ADAM19: variants seen among roughly 807,000 people sequenced by gnomAD.
The protein encoded by ADAM19 is disintegrin and metalloproteinase domain-containing protein 19.
A neutral mutation model predicts 114.7 loss-of-function variants in ADAM19; 65 were observed. That is an observed-to-expected ratio of 0.57 (90% CI 0.46 to 0.70). ADAM19 has a LOEUF of 0.70. ADAM19 is among the 30% of genes least tolerant of loss of function. ADAM19 has a pLI of 0.00. For synonymous variants in ADAM19, 466 were observed against 460.5 expected, an observed-to-expected ratio of 1.01 and a Z score of -0.15; for missense variants, 1,063 against 1,204.7, an observed-to-expected ratio of 0.88 and a Z score of 1.74.
chr5:157,493,282 T>A, intron 15 of ADAM19, 105 bp from the exon 16 acceptor site: 1 of 1,244,326 alleles, frequency 8.0e-7, no homozygotes, highest in Non-Finnish European at 1.1e-6. Context: ...CAGGCTTGCG[T>A]GGGGTGGGGC....
At chr5:157,509,584 A>G (rs1156972175) in intron 8 of ADAM19, 117 bp from the exon 9 acceptor site, 1 of 849,444 alleles carries the variant, frequency 1.2e-6, no homozygotes, top group Non-Finnish European at 1.6e-6. Context: ...ACTAAAAAAT[A>G]AAAATAAATT....
intron 3 of ADAM19, among the ~76,000 whole-genome samples, chr5:157,561,631 G>A (rs7718184): frequency 0.33 from 50,548 of 151,710 alleles, 9,701 homozygotes; most frequent in African/African-American, 0.51. Context: ...CTACCCATAT[G>A]GCTCACTCCA....
chr5:157,483,063 G>A (rs1344224311), intron 21 of ADAM19, among the ~76,000 whole-genome samples: 1 of 152,176 alleles, frequency 6.6e-6, no homozygotes, highest in Non-Finnish European at 1.5e-5. Context: ...CCTGTTGGGT[G>A]GTGGGGGGCT....
chr5:157,529,926 ACTTCCTACT>A (rs1169968225), intron 5 of ADAM19, among the ~76,000 whole-genome samples: 1 of 151,834 alleles, frequency 6.6e-6, no homozygotes, highest in African/African-American at 2.4e-5. Flanking sequence ...CTTTCCTTTC[ACTTCCTACT>A]CTCTGTTCAT....
Position 157,575,730 on chromosome 5 carries a change from C to A in ADAM19, c.-34G>T. On this transcript the variant is annotated 5_prime_UTR_variant, in exon 1 of 23. Coordinates refer to ENST00000257527, the MANE Select transcript of ADAM19 (RefSeq NM_033274.5). The stretch of plus-strand genomic sequence containing the variant: ...CGGCCCTTAGCGCTCGGCGCTCACA[C>A]GCCCTCAGCCATACCTGCCCACTGC... The A allele has an allele frequency of 7.8e-7, 1 of 1,283,580 alleles. No homozygotes were observed. Among genetic ancestry groups the A allele is most frequent in the Non-Finnish European group, 9.9e-7 (1 of 1,014,084 alleles). The allele number at this position is 1,283,580 out of a possible 1,614,324, so 79.5% of individuals were successfully genotyped here.
intron 21 of ADAM19, among the ~76,000 whole-genome samples, chr5:157,485,342 T>C (rs747924328): frequency 2.0e-5 from 3 of 152,194 alleles, no homozygotes; most frequent in Non-Finnish European, 4.4e-5. Context: ...GAACAAATCA[T>C]AAATATACAA....
chr5:157,481,219 C>A, intron 22 of ADAM19: 1 of 621,340 alleles, frequency 1.6e-6, no homozygotes, highest in South Asian at 2.0e-5. Flanking sequence ...ACCAGCCACC[C>A]CTCCCTCTTC....
At chr5:157,517,932 T>C (rs1167764006) in intron 7 of ADAM19, among the ~76,000 whole-genome samples, 1 of 152,176 alleles carries the variant, frequency 6.6e-6, no homozygotes, top group African/African-American at 2.4e-5. Context: ...GACCCCACCC[T>C]GACAGTCTGG....
At position 157,480,581 on chromosome 5, in the gene ADAM19, G is replaced by C; in HGVS notation, c.*368C>G. 9.2e-7 allele frequency: 1 copy of C among 1,086,554 alleles called. No homozygotes were observed. Among genetic ancestry groups the C allele is most frequent in the Middle Eastern group, 4.3e-4 (1 of 2,344 alleles). 67.3% of individuals were successfully genotyped at this position (1,086,554 alleles called of 1,614,324 possible). A position where few individuals can be genotyped will look rare whatever the true frequency, so the allele number is the denominator to read the frequency against. Reference sequence around the variant, plus strand: ...GTGCCCTGCACCCCAGGAGTGAATGGATGGCTTCTGCAAGCGAAGTGCTGG... The same window carrying C: ...GTGCCCTGCACCCCAGGAGTGAATGCATGGCTTCTGCAAGCGAAGTGCTGG... On this transcript the variant is annotated 3_prime_UTR_variant, in exon 23 of 23. Transcript: ENST00000257527.
At chr5:157,509,675 G>A (rs1755855236) in intron 8 of ADAM19, among the ~76,000 whole-genome samples, 2 of 152,224 alleles carry the variant, frequency 1.3e-5, no homozygotes, top group Admixed American at 1.3e-4. Context: ...CCAACAGAAG[G>A]AGGCAACTGG....
At chr5:157,481,137 ATCCATGTG>A (rs1037237084) in intron 22 of ADAM19, 135 bp from the exon 23 acceptor site, 20 of 1,180,004 alleles carry the variant, frequency 1.7e-5, no homozygotes, top group Non-Finnish European at 2.3e-5. Context: ...TGTGAAGTCC[ATCCATGTG>A]TCCACTCACC....
rs565560795 is a variant in ADAM19 at position 157,479,072 on chromosome 5, G to T, written c.*1877C>A. ...AGAGGGTAGCACATTTAAATAAAAG[G>T]TTGGGCCACAGGAAAGGTGGGGAAT... On this transcript the variant is annotated 3_prime_UTR_variant, in exon 23 of 23. Transcript: ENST00000257527. 4.1e-6 allele frequency: 4 copies of T among 985,800 alleles called. No individual in the cohort carries two copies. Among genetic ancestry groups the T allele is most frequent in the East Asian group, 2.3e-4 (2 of 8,808 alleles). The allele number at this position is 985,800 out of a possible 1,614,324, so 61.1% of individuals were successfully genotyped here. A position where few individuals can be genotyped will look rare whatever the true frequency, so the allele number is the denominator to read the frequency against.
Position 157,479,543 on chromosome 5 carries a change from G to A in ADAM19, c.*1406C>T. 1.0e-6 allele frequency: 1 copy of A among 985,904 alleles called. No individual in the cohort carries two copies. The highest frequency in any genetic ancestry group is 1.2e-6 in the Non-Finnish European group (1 of 829,982). 61.1% of individuals were successfully genotyped at this position (985,904 alleles called of 1,614,324 possible). ...TGCAAAAACCGTCCTATCTAGCAAA[G>A]CACCACACGGCCCTCCTTCCCTGCT... On this transcript the variant is annotated 3_prime_UTR_variant, in exon 23 of 23. Coordinates refer to ENST00000257527, the MANE Select transcript of ADAM19 (RefSeq NM_033274.5).
At chr5:157,507,330 C>A (rs1420832362) in intron 9 of ADAM19, among the ~76,000 whole-genome samples, 190 bp from the exon 10 acceptor site, 1 of 152,248 alleles carries the variant, frequency 6.6e-6, no homozygotes, top group African/African-American at 2.4e-5. Context: ...CACTTCCTCT[C>A]ACCTACTCCC....
chr5:157,565,376 C>T lies in ADAM19; in HGVS notation c.181-933G>A, dbSNP rs960785891. The stretch of plus-strand genomic sequence containing the variant: ...CCCTACCACTGAGAATTTAAACTGA[C>T]GGCAACTCTCTGAAAGATAACATGA... On this transcript the variant is annotated intron_variant, in intron 2 of 22. Transcript: ENST00000257527. Among the ~76,000 whole-genome samples, 7 of 152,130 alleles carry T rather than the reference C, an allele frequency of 4.6e-5. No homozygotes were observed. In the South Asian group the frequency reaches 8.3e-4, roughly 18 times the overall value.
chr5:157,540,159 G>A (rs1441110846), intron 3 of ADAM19, among the ~76,000 whole-genome samples: 4 of 152,226 alleles, frequency 2.6e-5, no homozygotes, highest in African/African-American at 7.2e-5. Flanking sequence ...CTGGGTAAAA[G>A]TTAGTGATAA....
rs773609989 is a variant in ADAM19, at chr5:157,481,765, A to C, written c.2703+26T>G. On this transcript the variant is annotated intron_variant, in intron 22 of 22. Coordinates refer to ENST00000257527, the MANE Select transcript of ADAM19 (RefSeq NM_033274.5). The stretch of plus-strand genomic sequence containing the variant: ...CTGGAGCCCTCTGGTACCAGCTTTC[A>C]CCTTGAGGGCTTCCCGTGGACTCAC... The C allele has an allele frequency of 5.1e-6, 8 of 1,559,282 alleles. No individual in the cohort carries two copies. In the East Asian group the frequency reaches 1.7e-4, roughly 32 times the overall value.
Position 157,505,671 on chromosome 5 carries a change from A to G in ADAM19, c.1128T>C (p.Thr376=). ...ADGGCIMAAA[T]GHPFPKVFNG... ...CTCCCTCTTGCTGTTTGACTCACCCAGTGGCAGCTGCCATGATGCACCCAC... is the reference window on the plus strand; with the variant it reads ...CTCCCTCTTGCTGTTTGACTCACCCGGTGGCAGCTGCCATGATGCACCCAC... The change falls in exon 11 of 23, where the codon ACT becomes ACC. Residue 376 remains threonine (T), a splice_region_variant and synonymous_variant. Coordinates refer to ENST00000257527, the MANE Select transcript of ADAM19 (RefSeq NM_033274.5). 6.2e-7 allele frequency: 1 copy of G among 1,613,700 alleles called. No individual in the cohort carries two copies. Among genetic ancestry groups the G allele is most frequent in the Non-Finnish European group, 8.5e-7 (1 of 1,179,866 alleles).
chr5:157,552,267 C>G (rs559339312), intron 3 of ADAM19, among the ~76,000 whole-genome samples: 1 of 152,174 alleles, frequency 6.6e-6, no homozygotes, highest in African/African-American at 2.4e-5. Context: ...CCCTTGTGTA[C>G]GTTGCTGGTG....
Sources: gnomAD v4.1 joint callset for allele counts (sites outside exome capture counted in the v4.1 genomes callset) on GRCh38, gnomAD v4.1.1 for gene constraint, MANE v1.5 for transcripts, NCBI Gene and HGNC (gene_info 2026-07-23, HGNC 2026-07-21) for gene names.